Variants in KSR2 observed in about 807,000 individuals in gnomAD.
KSR2 encodes the protein kinase suppressor of ras 2.
KSR2 carries 25 observed loss-of-function variants against 107.8 expected under a neutral mutation model. The ratio of observed to expected loss-of-function variants is 0.23; its 90% CI spans 0.17 to 0.32. KSR2 has a LOEUF of 0.32. Ranked by LOEUF, KSR2 falls within the 10% of genes least tolerant of loss-of-function variation. KSR2 has a pLI of 1.00. For synonymous variants in KSR2, 480 were observed against 507.0 expected (o/e 0.95, Z 0.71); for missense variants, 887 against 1,268.9 (o/e 0.70, Z 4.57).
rs1038139010 is a variant in KSR2, at chr12:117,908,149, C to G, written c.181-47718G>C. Among the ~76,000 whole-genome samples the G allele has an allele frequency of 2.6e-4, 40 of 152,098 alleles. No homozygotes were observed. In the Middle Eastern group the frequency reaches 0.017, roughly 65 times the overall value. On this transcript the variant is annotated intron_variant, in intron 1 of 19. Coordinates refer to ENST00000339824, the MANE Select transcript of KSR2 (RefSeq NM_173598.6). Reference sequence around the variant, plus strand: ...ATGATTTATATATGGAAAAGCTAAACAGAGAACATATTTAAATGAACTTAT... The same window carrying G: ...ATGATTTATATATGGAAAAGCTAAAGAGAGAACATATTTAAATGAACTTAT...
chr12:117,890,558 T>C (rs1050174329), intron 1 of KSR2, among the ~76,000 whole-genome samples: 2 of 152,254 alleles, frequency 1.3e-5, no homozygotes, highest in Non-Finnish European at 2.9e-5. Flanking sequence ...CTCTCTGTGT[T>C]AAAGCCTTTT....
intron 4 of KSR2, among the ~76,000 whole-genome samples, chr12:117,733,823 G>A (rs890799745): frequency 1.1e-4 from 16 of 151,994 alleles, no homozygotes; most frequent in African/African-American, 2.2e-4. Flanking sequence ...TTTGCAACTC[G>A]GTGCCCCAGG....
intron 1 of KSR2, among the ~76,000 whole-genome samples, chr12:117,865,816 T>A (rs769224102): frequency 6.6e-6 from 1 of 152,196 alleles, no homozygotes; most frequent in African/African-American, 2.4e-5. Context: ...AAACATCTGC[T>A]GGAGAATAGT....
intron 4 of KSR2, among the ~76,000 whole-genome samples, chr12:117,702,921 C>A (rs1470507444): frequency 6.6e-6 from 1 of 152,178 alleles, no homozygotes; most frequent in Non-Finnish European, 1.5e-5. Flanking sequence ...CACAGCTGGA[C>A]AACTGACTGG....
intron 7 of KSR2, among the ~76,000 whole-genome samples, chr12:117,566,411 C>T (rs577938216): frequency 6.6e-5 from 10 of 152,288 alleles, no homozygotes; most frequent in East Asian, 5.8e-4. Context: ...TGAGCCACTG[C>T]GCCTGGCCTG....
chr12:117,686,874 C>T (rs754638720), intron 4 of KSR2, among the ~76,000 whole-genome samples: 3 of 152,144 alleles, frequency 2.0e-5, no homozygotes, highest in Non-Finnish European at 2.9e-5. Flanking sequence ...ATGAGATCCA[C>T]GCTGAAATCC....
At chr12:117,702,102 C>G (rs1358704302) in intron 4 of KSR2, among the ~76,000 whole-genome samples, 1 of 152,198 alleles carries the variant, frequency 6.6e-6, no homozygotes, top group African/African-American at 2.4e-5. Context: ...CTTGCCCACT[C>G]CAGGGCCTTT....
At chr12:117,597,192 G>C (rs1431402900) in intron 5 of KSR2, among the ~76,000 whole-genome samples, 1 of 152,188 alleles carries the variant, frequency 6.6e-6, no homozygotes, top group African/African-American at 2.4e-5. Flanking sequence ...TATTTACAGA[G>C]TGGCTAATGA....
At chr12:117,718,336 C>A (rs1200236532) in intron 4 of KSR2, among the ~76,000 whole-genome samples, 1 of 152,206 alleles carries the variant, frequency 6.6e-6, no homozygotes, top group African/African-American at 2.4e-5. Flanking sequence ...CCCTGTTGTT[C>A]ACTGTCCATG....
intron 16 of KSR2, among the ~76,000 whole-genome samples, chr12:117,483,229 G>A (rs1872271912): frequency 6.6e-6 from 1 of 152,174 alleles, no homozygotes; most frequent in South Asian, 2.1e-4. Flanking sequence ...AAAGAAACAA[G>A]CGCCTGTTTG....
chr12:117,559,536 C>G (rs1415391628), intron 7 of KSR2, among the ~76,000 whole-genome samples: 1 of 152,094 alleles, frequency 6.6e-6, no homozygotes, highest in Non-Finnish European at 1.5e-5. Flanking sequence ...TGACAGAAAA[C>G]CAGGGTCAGG....
intron 1 of KSR2, among the ~76,000 whole-genome samples, chr12:117,943,890 A>G (rs1896092074): frequency 6.6e-6 from 1 of 152,152 alleles, no homozygotes; most frequent in Non-Finnish European, 1.5e-5. Flanking sequence ...ATAATTTTAT[A>G]AGGGATTTCC....
intron 1 of KSR2, among the ~76,000 whole-genome samples, chr12:117,906,187 C>T (rs560078844): frequency 2.2e-4 from 34 of 151,428 alleles, no homozygotes; most frequent in Admixed American, 1.1e-3. Context: ...CCCATCTCTA[C>T]AAAAATACAA....
intron 4 of KSR2, among the ~76,000 whole-genome samples, chr12:117,739,965 G>A (rs570592): frequency 0.2 from 30,142 of 151,402 alleles, 3,690 homozygotes; most frequent in South Asian, 0.29. Context: ...CGGGGAACAG[G>A]TGGTGTTTGG....
intron 10 of KSR2, among the ~76,000 whole-genome samples, chr12:117,536,873 T>A (rs1011953933): frequency 2.0e-5 from 3 of 152,272 alleles, no homozygotes; most frequent in African/African-American, 7.2e-5. Context: ...CGTTTCTGTA[T>A]ATAAAGTCCT....
At chr12:117,798,714 A>ATATAT (rs200449041) in intron 3 of KSR2, among the ~76,000 whole-genome samples, 2 of 85,028 alleles carry the variant, frequency 2.4e-5, no homozygotes, top group South Asian at 3.9e-4. Context: ...AAGTCCAAAA[A>ATATAT]AAAAAAATAT....
rs538465181 is a variant in KSR2 at position 117,454,125 on chromosome 12, G to A, written c.*13074C>T. On this transcript the variant is annotated 3_prime_UTR_variant, in exon 20 of 20. Transcript: ENST00000339824. ...CTGGGGGAGGTTCATTTGGGTGATT[G>A]AGAAGAAAAGCCACATTGATGAAGC... 2 of 152,212 alleles carry A rather than the reference G, an allele frequency of 1.3e-5. No homozygotes were observed. Among genetic ancestry groups the A allele is most frequent in the African/African-American group, 2.4e-5 (1 of 41,446 alleles). 9.4% of individuals were successfully genotyped at this position (152,212 alleles called of 1,614,324 possible). A position where few individuals can be genotyped will look rare whatever the true frequency, so the allele number is the denominator to read the frequency against.
chr12:117,694,011 T>C (rs1343026699), intron 4 of KSR2, among the ~76,000 whole-genome samples: 1 of 152,200 alleles, frequency 6.6e-6, no homozygotes, highest in Non-Finnish European at 1.5e-5. Flanking sequence ...AACTTTGTTT[T>C]AGGTGATAAG....
intron 5 of KSR2, among the ~76,000 whole-genome samples, chr12:117,664,026 T>A (rs895288865): frequency 6.6e-6 from 1 of 152,188 alleles, no homozygotes; most frequent in African/African-American, 2.4e-5. Context: ...TCTCCCATGG[T>A]GAACAGAAGC....
Sources: gnomAD v4.1 joint callset for allele counts (sites outside exome capture counted in the v4.1 genomes callset) on GRCh38, gnomAD v4.1.1 for gene constraint, MANE v1.5 for transcripts, NCBI Gene and HGNC (gene_info 2026-07-23, HGNC 2026-07-21) for gene names.